Variants in HS3ST5 observed in about 807,000 individuals in gnomAD.
The protein encoded by HS3ST5 is heparan sulfate-glucosamine 3-sulfotransferase 5.
A neutral mutation model predicts 25.4 loss-of-function variants in HS3ST5; 10 were observed. The ratio of observed to expected loss-of-function variants is 0.39; its 90% CI spans 0.24 to 0.67. The LOEUF (loss-of-function observed/expected upper bound fraction) is 0.67. Ranked by LOEUF, HS3ST5 falls within the 30% of genes least tolerant of loss-of-function variation. HS3ST5 has a pLI of 0.44. For missense variants in HS3ST5, 324 were observed against 420.7 expected (o/e 0.77, Z 2.01); for synonymous variants, 170 against 162.4 (o/e 1.05, Z -0.36).
chr6:114,062,245 T>G (rs910701804), intron 4 of HS3ST5, among the ~76,000 whole-genome samples: 1 of 152,200 alleles, frequency 6.6e-6, no homozygotes, highest in African/African-American at 2.4e-5. Context: ...CTAATTAACA[T>G]AGTTAAAACT....
At chr6:114,120,584 A>G (rs573702892) in intron 3 of HS3ST5, among the ~76,000 whole-genome samples, 14 of 152,268 alleles carry the variant, frequency 9.2e-5, no homozygotes, top group Non-Finnish European at 1.9e-4. Context: ...CATTTTTTTC[A>G]GTTCAATTGG....
chr6:114,276,257 T>TAATGATTCTA (rs1252097538), intron 1 of HS3ST5, among the ~76,000 whole-genome samples: 1 of 151,946 alleles, frequency 6.6e-6, no homozygotes, highest in Non-Finnish European at 1.5e-5. Flanking sequence ...ATCATTGACC[T>TAATGATTCTA]ATGGGGTTCT....
At chr6:114,100,503 G>C (rs1775669816) in intron 3 of HS3ST5, among the ~76,000 whole-genome samples, 1 of 152,034 alleles carries the variant, frequency 6.6e-6, no homozygotes, top group African/African-American at 2.4e-5. Flanking sequence ...CTTTCAGTCG[G>C]GGCACAAATC....
At chr6:114,212,313 C>G (rs1295809930) in intron 2 of HS3ST5, among the ~76,000 whole-genome samples, 1 of 152,210 alleles carries the variant, frequency 6.6e-6, no homozygotes, top group Non-Finnish European at 1.5e-5. Flanking sequence ...CTACAGAGAG[C>G]TTCTACCATT....
At chr6:114,314,601 A>G (rs1209101588) in intron 1 of HS3ST5, among the ~76,000 whole-genome samples, 1 of 152,214 alleles carries the variant, frequency 6.6e-6, no homozygotes, top group African/African-American at 2.4e-5. Context: ...GCAAATCCTC[A>G]AAAATAAAAC....
At chr6:114,090,549 G>T (rs1775068883) in intron 3 of HS3ST5, among the ~76,000 whole-genome samples, 1 of 152,158 alleles carries the variant, frequency 6.6e-6, no homozygotes, top group South Asian at 2.1e-4. Flanking sequence ...TGTTGGTCAT[G>T]AGTGTTACTA....
intron 3 of HS3ST5, among the ~76,000 whole-genome samples, chr6:114,109,576 TC>T (rs990758714): frequency 1.3e-5 from 2 of 152,164 alleles, no homozygotes; most frequent in African/African-American, 4.8e-5. Flanking sequence ...CAGCACTCCT[TC>T]CCTTCCTCTC....
chr6:114,326,063 A>T (rs1182214766), intron 1 of HS3ST5, among the ~76,000 whole-genome samples: 1 of 151,986 alleles, frequency 6.6e-6, no homozygotes, highest in Non-Finnish European at 1.5e-5. Flanking sequence ...TTCTCACCTG[A>T]CTCCTTGAAG....
chr6:114,145,660 C>T (rs1276133750), intron 3 of HS3ST5, among the ~76,000 whole-genome samples: 1 of 152,094 alleles, frequency 6.6e-6, no homozygotes, highest in Non-Finnish European at 1.5e-5. Flanking sequence ...GGGTCAAGGA[C>T]ACCAAAGCAA....
intron 3 of HS3ST5, among the ~76,000 whole-genome samples, chr6:114,122,270 G>T (rs1201308655): frequency 6.6e-6 from 1 of 152,162 alleles, no homozygotes; most frequent in Admixed American, 6.5e-5. Flanking sequence ...GCTGACCTTT[G>T]GGGGCTGTGC....
At chr6:114,063,111 A>G (rs752369392) in intron 3 of HS3ST5, among the ~76,000 whole-genome samples, 1 of 152,242 alleles carries the variant, frequency 6.6e-6, no homozygotes, top group Non-Finnish European at 1.5e-5. Flanking sequence ...ACTAGTACTA[A>G]CTAGACAGAA....
chr6:114,253,481 A>G (rs1772760482), intron 1 of HS3ST5, among the ~76,000 whole-genome samples: 1 of 152,168 alleles, frequency 6.6e-6, no homozygotes, highest in South Asian at 2.1e-4. Context: ...ACTATCAAAC[A>G]CTGTAATTTA....
At chr6:114,301,513 G>A (rs1775073157) in intron 1 of HS3ST5, among the ~76,000 whole-genome samples, 1 of 152,046 alleles carries the variant, frequency 6.6e-6, no homozygotes, top group Non-Finnish European at 1.5e-5. Context: ...AGTGAGCCTT[G>A]GTATCCTAGG....
intron 3 of HS3ST5, among the ~76,000 whole-genome samples, chr6:114,119,048 A>C (rs1439839383): frequency 6.6e-6 from 1 of 152,212 alleles, no homozygotes; most frequent in Non-Finnish European, 1.5e-5. Context: ...TAATCAAAGC[A>C]TAACATGTAC....
chr6:114,268,191 A>G (rs940057644), intron 1 of HS3ST5, among the ~76,000 whole-genome samples: 1 of 152,136 alleles, frequency 6.6e-6, no homozygotes, highest in Non-Finnish European at 1.5e-5. Flanking sequence ...CATTGCCACC[A>G]TTTGTGCAGT....
chr6:114,146,081 T>C (rs898978179), intron 3 of HS3ST5, among the ~76,000 whole-genome samples: 11 of 152,336 alleles, frequency 7.2e-5, no homozygotes, highest in East Asian at 5.8e-4. Flanking sequence ...AAATCACCTT[T>C]AGCATTTCTA....
rs369347111 is a variant in HS3ST5, at chr6:114,063,514, GAA to G, written c.-32-639_-32-638del. On this transcript the variant is annotated intron_variant, in intron 3 of 4. Coordinates refer to ENST00000312719, the MANE Select transcript of HS3ST5 (RefSeq NM_153612.4). ...TGGGTGACAGAGAAGACCTGTCTCA[GAA>G]AAAAAAAAAAAAAAAGAGCAACTTG... 3.6e-4 allele frequency among the ~76,000 whole-genome samples: 35 copies of G among 98,470 alleles called. 1 individual carries two copies. The highest frequency in any genetic ancestry group is 9.3e-4 in the African/African-American group (26 of 27,870). The allele number at this position is 98,470 out of a possible 152,430, so 64.6% of individuals were successfully genotyped here. A position where few individuals can be genotyped will look rare whatever the true frequency, so the allele number is the denominator to read the frequency against.
intron 2 of HS3ST5, among the ~76,000 whole-genome samples, chr6:114,199,085 T>G (rs1333582351): frequency 6.6e-6 from 1 of 152,128 alleles, no homozygotes; most frequent in Admixed American, 6.5e-5. Context: ...GTGGTAGGGG[T>G]AAAAATATGA....
intron 2 of HS3ST5, among the ~76,000 whole-genome samples, chr6:114,181,857 A>T: frequency 6.6e-6 from 1 of 151,066 alleles, no homozygotes; most frequent in East Asian, 2.0e-4. Context: ...TTTTTCAGGG[A>T]ACTTAGGGAA....
Sources: allele counts gnomAD v4.1 joint callset (sites outside exome capture counted in the v4.1 genomes callset), GRCh38; gene constraint gnomAD v4.1.1; transcripts MANE v1.5; gene names NCBI Gene and HGNC (gene_info 2026-07-23, HGNC 2026-07-21).